The following GSE1 variants were observed in gnomAD, a reference collection of about 807,000 sequenced individuals.
The protein encoded by GSE1 is genetic suppressor element 1.
In GSE1, 32 loss-of-function variants were observed where a neutral mutation model predicts 112.6. That is an observed-to-expected ratio of 0.28 (90% confidence interval 0.21 to 0.38). The LOEUF (loss-of-function observed/expected upper bound fraction) is 0.38, where lower values mean the gene tolerates loss of function less well. GSE1 is among the 10% of genes least tolerant of loss of function. The pLI, the probability that GSE1 is intolerant of heterozygous loss-of-function variation, is 1.00. For synonymous variants in GSE1, 1,115 were observed against 735.6 expected (o/e 1.52, Z -8.35); for missense variants, 2,348 against 1,699.2 (o/e 1.38, Z -6.71).
intron 1 of GSE1, among the ~76,000 whole-genome samples, chr16:85,356,866 C>T (rs139308011): frequency 6.9e-4 from 105 of 152,266 alleles, no homozygotes; most frequent in African/African-American, 2.3e-3. Context: ...TGCTGCTCCC[C>T]GGCTGGTAAT....
chr16:85,448,149 G>GT (rs1163995745), intron 2 of GSE1, among the ~76,000 whole-genome samples: 3 of 152,216 alleles, frequency 2.0e-5, no homozygotes, highest in Non-Finnish European at 4.4e-5. Context: ...GGAAAAGGAT[G>GT]TGCAGACTTG....
intron 1 of GSE1, among the ~76,000 whole-genome samples, chr16:85,175,595 C>G (rs560425670): frequency 1.3e-5 from 2 of 152,202 alleles, no homozygotes; most frequent in Non-Finnish European, 2.9e-5. Flanking sequence ...GCTGCTGGCG[C>G]GACGCTGGGT....
upstream of GSE1, chr16:85,611,614 C>T (rs576443915): frequency 1.1e-3 from 477 of 449,962 alleles, 5 homozygotes; most frequent in African/African-American, 9.5e-3. Flanking sequence ...TTGTGCAAGG[C>T]GGGGGGCCGG....
At position 85,311,609 on chromosome 16, in the gene GSE1, C is replaced by T. The variant is rs1450532773; in HGVS notation, c.2284-45854C>T. Among the ~76,000 whole-genome samples the T allele has an allele frequency of 1.3e-5, 2 of 148,842 alleles. No individual in the cohort carries two copies. Among genetic ancestry groups the T allele is most frequent in the Non-Finnish European group, 3.0e-5 (2 of 67,308 alleles). ...TGGGGTACTCCATGGGCTTCTGCTT[C>T]GGTGCCCCTGGGGGTCCTTCTCCAG... is the stretch of plus-strand genomic sequence containing the variant. On this transcript the variant is annotated intron_variant, in intron 1 of 2. Transcript: ENST00000637419. This position sits in a 1 kb window ranked among gnomAD's most constrained non-coding sequence, Gnocchi z 4.2.
At chr16:85,538,570 G>A (rs6540025) in intron 2 of GSE1, among the ~76,000 whole-genome samples, 58,966 of 151,934 alleles carry the variant, frequency 0.39, 11,704 homozygotes, top group Middle Eastern at 0.52. Flanking sequence ...AAGGGCCTGG[G>A]TCTCGACTAA....
At chr16:85,489,994 G>A (rs1158655133) in intron 2 of GSE1, 1 of 152,216 alleles carries the variant, frequency 6.6e-6, no homozygotes, top group African/African-American at 2.4e-5. Flanking sequence ...AGCCTTCTGT[G>A]GGGGCACAGC....
At chr16:85,482,742 C>T (rs532609275) in intron 2 of GSE1, among the ~76,000 whole-genome samples, 1 of 152,282 alleles carries the variant, frequency 6.6e-6, no homozygotes, top group Middle Eastern at 3.4e-3. Flanking sequence ...CTTTGGGAGG[C>T]CAAGGAGGGC....
At chr16:85,478,145 G>C (rs989384887) in intron 2 of GSE1, among the ~76,000 whole-genome samples, 6 of 152,190 alleles carry the variant, frequency 3.9e-5, no homozygotes, top group African/African-American at 1.4e-4. Flanking sequence ...TTTGTGTCCA[G>C]CTTCTTCCAG....
At chr16:85,608,388 A>G (rs1293036522), upstream of GSE1, among the ~76,000 whole-genome samples, 1 of 152,102 alleles carries the variant, frequency 6.6e-6, no homozygotes, top group African/African-American at 2.4e-5. Context: ...CTGTGCATAC[A>G]GGGGAGCTGG....
chr16:85,325,514 C>T (rs965496706), intron 1 of GSE1, among the ~76,000 whole-genome samples: 5 of 151,990 alleles, frequency 3.3e-5, no homozygotes, highest in African/African-American at 4.8e-5. Flanking sequence ...TGCAGTGACA[C>T]GATCTCAGCT....
At chr16:85,421,921 C>T (rs374037416) in intron 2 of GSE1, among the ~76,000 whole-genome samples, 1 of 152,278 alleles carries the variant, frequency 6.6e-6, no homozygotes, top group South Asian at 2.1e-4. Flanking sequence ...CAGGCCCATG[C>T]TGAGGGCTTT....
chr16:85,433,530 GTGTC>G (rs2049169982), intron 2 of GSE1, among the ~76,000 whole-genome samples: 1 of 152,146 alleles, frequency 6.6e-6, no homozygotes, highest in Non-Finnish European at 1.5e-5. Flanking sequence ...TTTGGCATTG[GTGTC>G]TGTATCTCTG....
At chr16:85,440,895 C>G (rs2049359696) in intron 2 of GSE1, among the ~76,000 whole-genome samples, 1 of 152,220 alleles carries the variant, frequency 6.6e-6, no homozygotes, top group Admixed American at 6.5e-5. Flanking sequence ...CGCGGTCCCA[C>G]CGGAGTCCTC....
At chr16:85,664,654 G>A (rs940227166) in intron 11 of GSE1, 6 of 199,886 alleles carry the variant, frequency 3.0e-5, no homozygotes, top group Non-Finnish European at 6.2e-5. Flanking sequence ...TCAGAGGCCA[G>A]GCCTGGGTCT....
intron 2 of GSE1, among the ~76,000 whole-genome samples, chr16:85,486,711 C>T (rs919698555): frequency 6.6e-6 from 1 of 152,170 alleles, no homozygotes; most frequent in Admixed American, 6.5e-5. Flanking sequence ...CTCCAGCAGC[C>T]TCTCCATGCC....
At chr16:85,430,317 C>T (rs1017810709) in intron 2 of GSE1, among the ~76,000 whole-genome samples, 8 of 152,182 alleles carry the variant, frequency 5.3e-5, no homozygotes, top group African/African-American at 1.9e-4. Flanking sequence ...CCGAGATCAG[C>T]CATGATAATG....
At chr16:85,366,922 G>A (rs2047196467) in intron 2 of GSE1, among the ~76,000 whole-genome samples, 1 of 152,248 alleles carries the variant, frequency 6.6e-6, no homozygotes, top group South Asian at 2.1e-4. Context: ...TGGCTGAGTA[G>A]CAGGAGTGGC....
At chr16:85,508,904 G>C (rs755900200) in intron 2 of GSE1, among the ~76,000 whole-genome samples, 1 of 152,222 alleles carries the variant, frequency 6.6e-6, no homozygotes, top group Non-Finnish European at 1.5e-5. Context: ...CCCCCTCAGC[G>C]TATGTGCACT....
At position 85,227,247 on chromosome 16, in the gene GSE1, A is replaced by T. The variant is rs117073408; in HGVS notation, c.2283+55440A>T. The stretch of plus-strand genomic sequence containing the variant: ...ATCAGAGAGCTCCAGTCTGGTTGGG[A>T]AGGCCTGTTCTTCATGCATGAATGG... On this transcript the variant is annotated intron_variant, in intron 1 of 2. Coordinates refer to the GSE1 transcript ENST00000637419. 9.1e-3 allele frequency among the ~76,000 whole-genome samples: 1,393 copies of T among 152,248 alleles called. 10 individuals are homozygous for T. Among genetic ancestry groups the T allele is most frequent in the Non-Finnish European group, 0.016 (1,073 of 68,022 alleles).
Sources: gnomAD v4.1 joint callset for allele counts (sites outside exome capture counted in the v4.1 genomes callset) on GRCh38, gnomAD v4.1.1 for gene constraint, Gnocchi (gnomAD v3.1) non-coding constraint, MANE v1.5 for transcripts, NCBI Gene and HGNC (gene_info 2026-07-23, HGNC 2026-07-21) for gene names.